Variants in RAP1A observed in about 807,000 individuals in gnomAD.
RAP1A encodes the protein ras-related protein Rap-1A.
RAP1A carries 6 observed loss-of-function variants against 26.4 expected under a neutral mutation model. That is an observed-to-expected ratio of 0.23 (90% CI 0.12 to 0.45). The LOEUF (loss-of-function observed/expected upper bound fraction) is 0.45, where lower values mean the gene tolerates loss of function less well. RAP1A is among the 20% of genes least tolerant of loss of function. The pLI, the probability that RAP1A is intolerant of heterozygous loss-of-function variation, is 0.99. For synonymous variants in RAP1A, 73 were observed against 79.4 expected, an observed-to-expected ratio of 0.92 and a Z score of 0.43; for missense variants, 121 against 217.2, an observed-to-expected ratio of 0.56 and a Z score of 2.78.
At chr1:111,680,150 G>A (rs963599421) in intron 1 of RAP1A, among the ~76,000 whole-genome samples, 32 of 152,114 alleles carry the variant, frequency 2.1e-4, no homozygotes, top group African/African-American at 7.2e-4. Context: ...TCTTGGTCTC[G>A]CTGACTTCAA....
rs77187528 is a variant in RAP1A, at chr1:111,614,473, G to A, written c.-28+71964G>A. ...ACAATCTTCTTAAAGTCTTCAATTG[G>A]TCCTAGAAGTGTCTATGCTTTTCCT... On this transcript the variant is annotated intron_variant, in intron 1 of 7. Coordinates refer to the RAP1A transcript ENST00000356415. Among the ~76,000 whole-genome samples, 558 of 152,234 alleles carry A rather than the reference G, an allele frequency of 3.7e-3. 3 individuals are homozygous for A. The highest frequency in any genetic ancestry group is 0.012 in the African/African-American group (519 of 41,534).
At chr1:111,593,831 A>G (rs1658515147) in intron 1 of RAP1A, among the ~76,000 whole-genome samples, 1 of 152,042 alleles carries the variant, frequency 6.6e-6, no homozygotes, top group African/African-American at 2.4e-5. Context: ...GCAAAGAACA[A>G]GGCCTAAGAT....
At chr1:111,659,423 G>T (rs752397078) in intron 1 of RAP1A, among the ~76,000 whole-genome samples, 5 of 152,040 alleles carry the variant, frequency 3.3e-5, no homozygotes, top group Non-Finnish European at 5.9e-5. Context: ...ACTATGGATG[G>T]GGGGGTCTAC....
At chr1:111,575,303 A>T (rs1658125177) in intron 1 of RAP1A, among the ~76,000 whole-genome samples, 2 of 152,110 alleles carry the variant, frequency 1.3e-5, no homozygotes, top group African/African-American at 4.8e-5. Flanking sequence ...ACAGGCATGC[A>T]TCACCACACT....
chr1:111,566,481 C>A (rs903259752), intron 1 of RAP1A, among the ~76,000 whole-genome samples: 12 of 152,082 alleles, frequency 7.9e-5, no homozygotes, highest in African/African-American at 2.9e-4. Context: ...TGACTGAGCT[C>A]CTAAAGGGAT....
chr1:111,619,731 G>C, upstream of RAP1A: 2 of 393,898 alleles, frequency 5.1e-6, no homozygotes, highest in Non-Finnish European at 9.0e-6. Context: ...GAGGGGCGGG[G>C]CAGAACCAGG....
chr1:111,552,533 C>A lies in RAP1A; in HGVS notation c.-28+10024C>A, dbSNP rs573728491. On this transcript the variant is annotated intron_variant, in intron 1 of 7. Coordinates refer to the RAP1A transcript ENST00000356415. ...TTTTCAGAGTACCTTACTCTACCAT[C>A]TTCACAGAGACCATAATTCACCATT... Among the ~76,000 whole-genome samples, 10 of 152,330 alleles carry A rather than the reference C, an allele frequency of 6.6e-5. No individual in the cohort carries two copies. In the South Asian group the frequency reaches 2.1e-3, roughly 32 times the overall value.
chr1:111,546,852 T>G (rs1336321339), intron 1 of RAP1A, among the ~76,000 whole-genome samples: 1 of 152,180 alleles, frequency 6.6e-6, no homozygotes, highest in Non-Finnish European at 1.5e-5. Context: ...GTCATATTGG[T>G]TTTCACAGTG....
intron 1 of RAP1A, among the ~76,000 whole-genome samples, chr1:111,546,274 A>G (rs1657031299): frequency 6.6e-6 from 1 of 152,054 alleles, no homozygotes. Context: ...TTGTTTTACC[A>G]TTTTAACTAT....
intron 1 of RAP1A, among the ~76,000 whole-genome samples, chr1:111,566,033 C>T (rs773284013): frequency 1.1e-4 from 16 of 151,756 alleles, no homozygotes; most frequent in Non-Finnish European, 2.4e-4. Flanking sequence ...CCTGAAGTGC[C>T]AGCAAGCAGG....
intron 1 of RAP1A, among the ~76,000 whole-genome samples, chr1:111,583,561 G>A (rs544270942): frequency 6.6e-5 from 10 of 151,388 alleles, no homozygotes; most frequent in East Asian, 3.9e-4. Context: ...TTTAAAATAC[G>A]CAGTCATAGT....
chr1:111,559,858 A>C (rs1657658153), intron 1 of RAP1A, among the ~76,000 whole-genome samples: 1 of 152,172 alleles, frequency 6.6e-6, no homozygotes, highest in Non-Finnish European at 1.5e-5. Flanking sequence ...CTGTGAAATC[A>C]AAGATGCAGC....
At position 111,672,601 on chromosome 1, in the gene RAP1A, G is replaced by A. The variant is rs138997020; in HGVS notation, c.-27-18733G>A. ...TCTCCAAAGTGGTGACTGCACGGCA[G>A]CCTAACACTTAGGACTCCATAGATA... On this transcript the variant is annotated intron_variant, in intron 1 of 7. Transcript: ENST00000369709. 1.3e-4 allele frequency among the ~76,000 whole-genome samples: 20 copies of A among 152,262 alleles called. No homozygotes were observed. In the East Asian group the frequency reaches 2.5e-3, roughly 19 times the overall value.
At chr1:111,590,187 AT>A (rs1451302362) in intron 1 of RAP1A, among the ~76,000 whole-genome samples, 1 of 152,118 alleles carries the variant, frequency 6.6e-6, no homozygotes, top group Non-Finnish European at 1.5e-5. Context: ...ATTGTCTTCA[AT>A]TTTCTATGTA....
At chr1:111,695,292 A>G (rs201266857) in intron 2 of RAP1A, 49 bp from the exon 3 acceptor site, 3 of 1,376,232 alleles carry the variant, frequency 2.2e-6, no homozygotes, top group East Asian at 2.6e-5. Context: ...GTAACATTCA[A>G]AGGAGTTTTC....
chr1:111,688,888 G>A (rs1661583909), intron 1 of RAP1A, among the ~76,000 whole-genome samples: 1 of 149,528 alleles, frequency 6.7e-6, no homozygotes, highest in African/African-American at 2.5e-5. Context: ...AGGCAGGAGT[G>A]CAGTGGGACA....
chr1:111,658,960 G>T (rs1660548472), intron 1 of RAP1A, among the ~76,000 whole-genome samples: 1 of 152,146 alleles, frequency 6.6e-6, no homozygotes, highest in Non-Finnish European at 1.5e-5. Context: ...TCTTCTTGGA[G>T]AATTGATGCC....
At chr1:111,599,188 T>C (rs570687684) in intron 1 of RAP1A, among the ~76,000 whole-genome samples, 4 of 152,168 alleles carry the variant, frequency 2.6e-5, no homozygotes, top group African/African-American at 9.6e-5. Flanking sequence ...ATTATTTTTA[T>C]TTATTTTATT....
Position 111,712,622 on chromosome 1 carries a change from T to C in RAP1A, c.*221T>C, listed in dbSNP as rs1662419209. 6.6e-6 allele frequency: 1 copy of C among 152,540 alleles called. No individual in the cohort carries two copies. The allele number at this position is 152,540 out of a possible 1,614,324, so 9.4% of individuals were successfully genotyped here. A position where few individuals can be genotyped will look rare whatever the true frequency, so the allele number is the denominator to read the frequency against. ...CTCTTGGAAAATAAGACAATAGTAT[T>C]TCTCCTTTGCAATAGCAGTTATAAC... On this transcript the variant is annotated 3_prime_UTR_variant, in exon 8 of 8. Transcript: ENST00000369709.
Sources: gnomAD v4.1 joint callset for allele counts (sites outside exome capture counted in the v4.1 genomes callset) on GRCh38, gnomAD v4.1.1 for gene constraint, MANE v1.5 for transcripts, NCBI Gene and HGNC (gene_info 2026-07-23, HGNC 2026-07-21) for gene names.